The following B4GALNT3 variants were observed in gnomAD, a reference collection of about 807,000 sequenced individuals.
The protein encoded by B4GALNT3 is beta-1,4-N-acetyl-galactosaminyltransferase 3.
B4GALNT3 carries 86 observed loss-of-function variants against 120.2 expected under a neutral mutation model. The observed-to-expected ratio is 0.72, with a 90% CI of 0.60 to 0.86. B4GALNT3 has a LOEUF of 0.86. B4GALNT3 is among the 40% of genes least tolerant of loss of function. B4GALNT3 has a pLI of 0.00. For missense variants in B4GALNT3, 1,167 were observed against 1,298.9 expected (o/e 0.90, Z 1.56); for synonymous variants, 518 against 510.4 (o/e 1.01, Z -0.20).
chr12:512,239 C>CCTTTCACCTT (rs1946586591), intron 1 of B4GALNT3, among the ~76,000 whole-genome samples: 1 of 79,402 alleles, frequency 1.3e-5, no homozygotes, highest in African/African-American at 6.8e-5. Flanking sequence ...CCACCTTCCA[C>CCTTTCACCTT]CTTCCACCTT....
chr12:560,295 C>T (rs1324102843), intron 19 of B4GALNT3, among the ~76,000 whole-genome samples: 1 of 152,152 alleles, frequency 6.6e-6, no homozygotes, highest in African/African-American at 2.4e-5. Flanking sequence ...GACACGCTCA[C>T]TTCTTCCCGA....
Position 561,507 on chromosome 12 carries a change from C to A in B4GALNT3, c.*56C>A. The A allele has an allele frequency of 7.3e-7, 1 of 1,362,092 alleles. No homozygotes were observed. The highest frequency in any genetic ancestry group is 1.2e-5 in the South Asian group (1 of 82,568). 84.4% of individuals were successfully genotyped at this position (1,362,092 alleles called of 1,614,324 possible). ...CCGCTCTGGACTAGCAGTGGCTCCC[C>A]AGGGCCCTGCTACTGTTCAGGGATG... On this transcript the variant is annotated 3_prime_UTR_variant, in exon 20 of 20. Coordinates refer to ENST00000266383, the MANE Select transcript of B4GALNT3 (RefSeq NM_173593.4).
intron 16 of B4GALNT3, 57 bp downstream of exon 16, chr12:557,818 G>A: frequency 6.4e-7 from 1 of 1,555,220 alleles, no homozygotes; most frequent in Non-Finnish European, 8.7e-7. Context: ...TAAAGTCCTA[G>A]GGCTGCTGGG....
intron 1 of B4GALNT3, among the ~76,000 whole-genome samples, chr12:493,916 C>T (rs1401552767): frequency 1.3e-5 from 2 of 152,230 alleles, no homozygotes; most frequent in Non-Finnish European, 2.9e-5. Flanking sequence ...CCATAGTTCA[C>T]TCAGCGTGAG....
rs55702729 is a variant in B4GALNT3 at position 492,055 on chromosome 12, C to CAAAA, written c.169+31519_169+31522dup. 6.8e-5 allele frequency among the ~76,000 whole-genome samples: 9 copies of CAAAA among 131,976 alleles called. 1 individual carries two copies. The highest frequency in any genetic ancestry group is 9.6e-5 in the Non-Finnish European group (6 of 62,506). The allele number at this position is 131,976 out of a possible 152,430, so 86.6% of individuals were successfully genotyped here. On this transcript the variant is annotated intron_variant, in intron 1 of 19. Transcript: ENST00000266383. ...TTTGGGCACCAGAACGAGACCGTCT[C>CAAAA]AAAAAAAAAAAAGAACAAGGCAAGA... is the stretch of plus-strand genomic sequence containing the variant.
chr12:552,226 G>A (rs1947091131), intron 12 of B4GALNT3, 63 bp downstream of exon 12: 3 of 1,442,818 alleles, frequency 2.1e-6, no homozygotes, highest in Non-Finnish European at 2.9e-6. Context: ...AGCCAGGAGA[G>A]CTGCCTGGAC....
intron 13 of B4GALNT3, chr12:552,894 A>T (rs1001209266): frequency 1.0e-5 from 5 of 500,932 alleles, no homozygotes; most frequent in Non-Finnish European, 1.8e-5. Flanking sequence ...CGTGGCTGGG[A>T]CCATCTGCTG....
Position 460,576 on chromosome 12 carries a change from CG to C in B4GALNT3, c.169+36del. 1.5e-6 allele frequency: 2 copies of C among 1,349,154 alleles called. No homozygotes were observed. The highest frequency in any genetic ancestry group is 9.6e-7 in the Non-Finnish European group (1 of 1,039,160). The allele number at this position is 1,349,154 out of a possible 1,614,324, so 83.6% of individuals were successfully genotyped here. ...TAGCACCCAGGGGAGGCGAAGGGCG[CG>C]GGGGTGGGCGGCGGCGGCGGCTCCT... On this transcript the variant is annotated intron_variant, in intron 1 of 19. Coordinates refer to ENST00000266383, the MANE Select transcript of B4GALNT3 (RefSeq NM_173593.4). This position sits in a 1 kb window ranked among gnomAD's most constrained non-coding sequence, Gnocchi z 8.0.
intron 1 of B4GALNT3, among the ~76,000 whole-genome samples, chr12:501,756 C>G (rs998838259): frequency 2.0e-5 from 3 of 152,164 alleles, no homozygotes; most frequent in South Asian, 2.1e-4. Flanking sequence ...TTCAGGAGGT[C>G]TGGGTAGAGT....
At chr12:483,709 A>G (rs1429030161) in intron 1 of B4GALNT3, among the ~76,000 whole-genome samples, 3 of 152,218 alleles carry the variant, frequency 2.0e-5, no homozygotes, top group Admixed American at 6.5e-5. Context: ...CACAATAAAT[A>G]GTAGCCCAGT....
chr12:548,340 G>A lies in B4GALNT3; in HGVS notation c.853+43G>A. ...CTGCCCTGGAGATGGAGGCCAGGTG[G>A]GGACAGCCTACCCTGGGGGATTTGG... is the stretch of plus-strand genomic sequence containing the variant. On this transcript the variant is annotated intron_variant, in intron 9 of 19. Transcript: ENST00000266383. This position sits in a 1 kb window ranked among gnomAD's most constrained non-coding sequence, Gnocchi z 4.9. The A allele has an allele frequency of 6.3e-7, 1 of 1,581,744 alleles. No homozygotes were observed. The highest frequency in any genetic ancestry group is 8.7e-7 in the Non-Finnish European group (1 of 1,150,738).
intron 1 of B4GALNT3, among the ~76,000 whole-genome samples, chr12:506,010 T>C (rs1332555039): frequency 6.6e-6 from 1 of 152,214 alleles, no homozygotes; most frequent in East Asian, 1.9e-4. Flanking sequence ...TAAATCAGAT[T>C]GTAACCCGAT....
chr12:520,657 A>G (rs908920070), intron 1 of B4GALNT3, among the ~76,000 whole-genome samples: 1 of 152,272 alleles, frequency 6.6e-6, no homozygotes, highest in African/African-American at 2.4e-5. Flanking sequence ...GACTAATAGT[A>G]TCTGAACTAA....
intron 1 of B4GALNT3, among the ~76,000 whole-genome samples, chr12:511,335 A>G (rs58875878): frequency 0.02 from 565 of 28,872 alleles, 71 homozygotes; most frequent in African/African-American, 0.1. Flanking sequence ...TCCACCTTCC[A>G]CCTTCCTTCC....
intron 1 of B4GALNT3, among the ~76,000 whole-genome samples, chr12:511,092 C>T (rs1946544989): frequency 7.8e-6 from 1 of 128,826 alleles, no homozygotes; most frequent in Admixed American, 9.3e-5. Context: ...GGCTGGAGTG[C>T]AGTGGCAGCT....
At chr12:542,935 G>A (rs1422155218) in intron 3 of B4GALNT3, among the ~76,000 whole-genome samples, 1 of 152,030 alleles carries the variant, frequency 6.6e-6, no homozygotes, top group East Asian at 1.9e-4. Flanking sequence ...GGTAGATAAG[G>A]TTTCACCGGC....
intron 3 of B4GALNT3, among the ~76,000 whole-genome samples, chr12:540,837 G>A (rs1294003768): frequency 3.9e-5 from 6 of 152,118 alleles, no homozygotes; most frequent in African/African-American, 1.4e-4. Context: ...TCCGCCTTCC[G>A]GGTTCACACC....
intron 1 of B4GALNT3, among the ~76,000 whole-genome samples, chr12:522,800 T>A (rs1946722795): frequency 6.6e-6 from 1 of 151,598 alleles, no homozygotes. Flanking sequence ...TAGCCAGGCA[T>A]GGTGGCACAC....
intron 13 of B4GALNT3, 100 bp downstream of exon 13, chr12:552,628 GCTCAAGATCCAAATCACGTGA>G: frequency 8.5e-7 from 1 of 1,171,954 alleles, no homozygotes; most frequent in South Asian, 1.4e-5. Context: ...CCCCTGAGGA[GCTCAAGATCCAAATCACGTGA>G]CCTCTCCCTT....
Sources: allele counts gnomAD v4.1 joint callset (sites outside exome capture counted in the v4.1 genomes callset), GRCh38; gene constraint gnomAD v4.1.1; non-coding constraint Gnocchi (gnomAD v3.1); transcripts MANE v1.5; gene names NCBI Gene and HGNC (gene_info 2026-07-23, HGNC 2026-07-21).